Variants in SRGAP1 observed in about 807,000 individuals in gnomAD.
SRGAP1 encodes SLIT-ROBO Rho GTPase activating protein 1, also known as SLIT-ROBO Rho GTPase-activating protein 1.
Under a neutral mutation model 121.9 loss-of-function variants are expected in SRGAP1, and 43 were observed. The observed-to-expected ratio is 0.35, with a 90% CI of 0.28 to 0.46. The LOEUF is 0.46. Ranked by LOEUF, SRGAP1 falls within the 20% of genes least tolerant of loss-of-function variation. SRGAP1 has a pLI of 1.00. For synonymous variants in SRGAP1, 447 were observed against 485.4 expected (o/e 0.92, Z 1.04); for missense variants, 1,102 against 1,350.9 (o/e 0.82, Z 2.89).
In SRGAP1 at chr12:63,993,248, A is replaced by G. The variant is rs28552651; in HGVS notation, c.426+3176A>G. ...TTATGCCTGAGGTTGCAATTTTTTT[A>G]ATTTTTACAATTAGAACTTGGCAAT... On this transcript the variant is annotated intron_variant, in intron 3 of 21. Coordinates refer to ENST00000355086, the MANE Select transcript of SRGAP1 (RefSeq NM_020762.4). Among the ~76,000 whole-genome samples, 204 of 151,742 alleles carry G rather than the reference A, an allele frequency of 1.3e-3. 1 individual carries two copies. The highest frequency in any genetic ancestry group is 4.5e-3 in the African/African-American group (188 of 41,370).
intron 10 of SRGAP1, among the ~76,000 whole-genome samples, chr12:64,082,351 A>G (rs1242421428): frequency 3.9e-5 from 6 of 152,032 alleles, no homozygotes; most frequent in South Asian, 4.1e-4. Flanking sequence ...GGATGGGGCT[A>G]TATTCTAGCC....
intron 1 of SRGAP1, among the ~76,000 whole-genome samples, chr12:63,901,538 C>T (rs2029928706): frequency 6.6e-6 from 1 of 152,180 alleles, no homozygotes; most frequent in Non-Finnish European, 1.5e-5. Flanking sequence ...CTGGTTGTTC[C>T]TGCTCAGCCT....
chr12:63,920,980 C>G (rs539101493), intron 1 of SRGAP1, among the ~76,000 whole-genome samples: 1 of 152,140 alleles, frequency 6.6e-6, no homozygotes, highest in Non-Finnish European at 1.5e-5. Context: ...AAAGTACCTT[C>G]AATTAAACAT....
chr12:64,139,162 C>T (rs978714279), intron 21 of SRGAP1, among the ~76,000 whole-genome samples: 2 of 152,160 alleles, frequency 1.3e-5, no homozygotes, highest in African/African-American at 4.8e-5. Context: ...TCTGACCCTG[C>T]CCATCAGCTG....
chr12:63,869,652 A>T (rs1020230648), intron 1 of SRGAP1, among the ~76,000 whole-genome samples: 3 of 152,132 alleles, frequency 2.0e-5, no homozygotes, highest in African/African-American at 7.2e-5. Flanking sequence ...TTATAATTTG[A>T]TTGTCTCCTT....
At chr12:63,885,744 T>C (rs1261000801) in intron 1 of SRGAP1, among the ~76,000 whole-genome samples, 1 of 152,308 alleles carries the variant, frequency 6.6e-6, no homozygotes, top group East Asian at 1.9e-4. Flanking sequence ...TTCTGTTTTC[T>C]AGGGTCTGCT....
chr12:63,848,799 A>C (rs2136250913), intron 1 of SRGAP1, among the ~76,000 whole-genome samples: 1 of 152,318 alleles, frequency 6.6e-6, no homozygotes, highest in Admixed American at 6.5e-5. Context: ...AAGCTTTTAA[A>C]GTTTTCAGTT....
At chr12:64,114,266 T>TGA (rs999189849) in intron 17 of SRGAP1, among the ~76,000 whole-genome samples, 4 of 151,800 alleles carry the variant, frequency 2.6e-5, no homozygotes, top group Admixed American at 2.6e-4. Flanking sequence ...TCAACCCTGC[T>TGA]GAGATACATG....
chr12:63,873,743 G>A (rs1280733268), intron 1 of SRGAP1, among the ~76,000 whole-genome samples: 3 of 151,638 alleles, frequency 2.0e-5, no homozygotes, highest in Admixed American at 6.6e-5. Flanking sequence ...ATCTCAGTTC[G>A]CTGCAACCTC....
intron 11 of SRGAP1, among the ~76,000 whole-genome samples, chr12:64,087,284 G>GT (rs1326936858): frequency 6.6e-6 from 1 of 152,040 alleles, no homozygotes; most frequent in African/African-American, 2.4e-5. Context: ...AACCGGCTTG[G>GT]TTTATCTAAT....
intron 4 of SRGAP1, among the ~76,000 whole-genome samples, chr12:64,027,045 C>CA (rs1208070935): frequency 1.3e-5 from 2 of 152,042 alleles, no homozygotes; most frequent in African/African-American, 4.8e-5. Context: ...TGTGTGCTGC[C>CA]ATGCTAGGAG....
chr12:64,052,579 A>G (rs1357732089), intron 6 of SRGAP1, among the ~76,000 whole-genome samples: 1 of 151,884 alleles, frequency 6.6e-6, no homozygotes, highest in Non-Finnish European at 1.5e-5. Flanking sequence ...AAATAAACGT[A>G]TATGTTTTGT....
intron 1 of SRGAP1, among the ~76,000 whole-genome samples, chr12:63,950,181 A>G (rs1432454512): frequency 6.6e-6 from 1 of 152,216 alleles, no homozygotes; most frequent in African/African-American, 2.4e-5. Context: ...AAGGAGAGGA[A>G]TAAAGCCCTC....
chr12:64,079,183 T>C (rs565752923), intron 9 of SRGAP1, 67 bp downstream of exon 9: 3 of 1,564,100 alleles, frequency 1.9e-6, no homozygotes, highest in South Asian at 1.1e-5. Context: ...GCCACTTCTA[T>C]AGTCACATCA....
At chr12:64,072,022 C>G (rs952054138) in intron 8 of SRGAP1, among the ~76,000 whole-genome samples, 3 of 151,130 alleles carry the variant, frequency 2.0e-5, no homozygotes, top group African/African-American at 7.3e-5. Context: ...GGATGCTCTG[C>G]CTGTGCTCTC....
At chr12:63,927,882 T>C (rs571238075) in intron 1 of SRGAP1, among the ~76,000 whole-genome samples, 1 of 152,272 alleles carries the variant, frequency 6.6e-6, no homozygotes, top group Non-Finnish European at 1.5e-5. Flanking sequence ...AATTCCCTTA[T>C]TGATTCTTAC....
intron 12 of SRGAP1, chr12:64,091,929 A>G: frequency 2.0e-6 from 3 of 1,535,604 alleles, no homozygotes; most frequent in Non-Finnish European, 2.6e-6. Flanking sequence ...GACATCAGGT[A>G]TAGTGCTAGA....
chr12:63,947,099 C>CTT (rs2032074937), intron 1 of SRGAP1, among the ~76,000 whole-genome samples: 1 of 152,154 alleles, frequency 6.6e-6, no homozygotes, highest in African/African-American at 2.4e-5. Flanking sequence ...GTGCTATGCA[C>CTT]ATTTGTGTAC....
At chr12:63,938,690 T>C (rs1382262326) in intron 1 of SRGAP1, among the ~76,000 whole-genome samples, 1 of 152,036 alleles carries the variant, frequency 6.6e-6, no homozygotes, top group Non-Finnish European at 1.5e-5. Flanking sequence ...ACTTTTACCA[T>C]GTTAGCACCT....
Sources: allele counts gnomAD v4.1 joint callset (sites outside exome capture counted in the v4.1 genomes callset), GRCh38; gene constraint gnomAD v4.1.1; transcripts MANE v1.5; gene names NCBI Gene and HGNC (gene_info 2026-07-23, HGNC 2026-07-21).